SYT16: variants seen among roughly 807,000 people sequenced by gnomAD.
SYT16 encodes synaptotagmin 16.
Under a neutral mutation model 61.4 loss-of-function variants are expected in SYT16, and 42 were observed. That is an observed-to-expected ratio of 0.68 (90% CI 0.53 to 0.89). The LOEUF is 0.89. Ranked by LOEUF, SYT16 falls within the 40% of genes least tolerant of loss-of-function variation. SYT16 has a pLI of 0.00. For synonymous variants in SYT16, 314 were observed against 302.3 expected (o/e 1.04, Z -0.40); for missense variants, 804 against 807.3 (o/e 1.00, Z 0.05).
chr14:61,832,275 T>C, intron 1 of SYT16: 1 of 593,826 alleles, frequency 1.7e-6, no homozygotes, highest in South Asian at 1.4e-5. Context: ...GAGCGCATAG[T>C]CATCGCTCTT....
intron 1 of SYT16, among the ~76,000 whole-genome samples, chr14:61,854,957 C>T (rs2046730360): frequency 6.6e-6 from 1 of 151,990 alleles, no homozygotes; most frequent in South Asian, 2.1e-4. Flanking sequence ...TTGCTTGTCT[C>T]ATATTAGTGA....
chr14:61,814,753 G>C (rs1489143105), intron 1 of SYT16, among the ~76,000 whole-genome samples: 2 of 152,158 alleles, frequency 1.3e-5, no homozygotes, highest in Non-Finnish European at 1.5e-5. Context: ...ACATTATTTT[G>C]TCTTTTTTCT....
Position 61,917,513 on chromosome 14 carries a change from C to T in SYT16, c.-324-52619C>T, listed in dbSNP as rs542726804. On this transcript the variant is annotated intron_variant, in intron 1 of 7. Coordinates refer to ENST00000683842, the MANE Select transcript of SYT16 (RefSeq NM_001367656.1). ...TATGATCATAGAAGCCTAGTTACCC[C>T]TTAAGGGGAAACGTTCCCAACCAAA... Among the ~76,000 whole-genome samples, 4 of 152,268 alleles carry T rather than the reference C, an allele frequency of 2.6e-5. No homozygotes were observed. The South Asian group carries it at 8.3e-4, about 32-fold the overall frequency.
intron 3 of SYT16, among the ~76,000 whole-genome samples, chr14:62,032,179 G>A (rs1022667360): frequency 6.6e-6 from 1 of 152,030 alleles, no homozygotes; most frequent in African/African-American, 2.4e-5. Context: ...TACAAAAGAA[G>A]GGTAGAAGCT....
intron 1 of SYT16, among the ~76,000 whole-genome samples, chr14:61,894,960 C>T (rs886458753): frequency 1.2e-4 from 19 of 152,190 alleles, no homozygotes; most frequent in African/African-American, 4.3e-4. Flanking sequence ...TGGGCTCCAA[C>T]ACTGTCTCAA....
At chr14:61,887,421 C>G (rs751068888) in intron 1 of SYT16, among the ~76,000 whole-genome samples, 20 of 152,190 alleles carry the variant, frequency 1.3e-4, no homozygotes, top group Non-Finnish European at 2.6e-4. Flanking sequence ...TACATTAGGA[C>G]CAACCAAGAG....
rs1230401288 is a variant in SYT16, at chr14:62,103,954, AG to A, written c.*3248del. The A allele has an allele frequency of 2.0e-5, 3 of 152,348 alleles. No homozygotes were observed. Among genetic ancestry groups the A allele is most frequent in the East Asian group, 3.9e-4 (2 of 5,186 alleles). The allele number at this position is 152,348 out of a possible 1,614,324, so 9.4% of individuals were successfully genotyped here. On this transcript the variant is annotated 3_prime_UTR_variant, in exon 8 of 8. Coordinates refer to ENST00000683842, the MANE Select transcript of SYT16 (RefSeq NM_001367656.1). ...CTAGGTGCCAGTGAGCCTGAAACACAGCTTCTGCCTTTTCAATGTGTAGATT... is the reference window on the plus strand; with the variant it reads ...CTAGGTGCCAGTGAGCCTGAAACACACTTCTGCCTTTTCAATGTGTAGATT...
intron 3 of SYT16, among the ~76,000 whole-genome samples, chr14:62,017,549 A>G (rs1472752640): frequency 1.3e-5 from 2 of 152,078 alleles, no homozygotes; most frequent in African/African-American, 2.4e-5. Context: ...TCATTCTTCT[A>G]GTTTCTCAGT....
chr14:61,910,400 G>A (rs1480709249), intron 1 of SYT16, among the ~76,000 whole-genome samples: 3 of 151,716 alleles, frequency 2.0e-5, no homozygotes, highest in Non-Finnish European at 4.4e-5. Context: ...CACCATGCCC[G>A]GCTAATTTTT....
Position 62,081,083 on chromosome 14 carries a change from A to G in SYT16, c.1243A>G (p.Arg415Gly), listed in dbSNP as rs1448075795. The change falls in exon 6 of 8, where the codon AGG becomes GGG. Residue 415 changes from arginine (R) to glycine (G), a missense_variant. Arg to Gly is a moderately radical substitution (Grantham distance 125). Transcript: ENST00000683842. ...NIQRGPNPVF[R>G]EKVTFAKLEP... The stretch of plus-strand genomic sequence containing the variant: ...ACAGAGAGGGCCCAACCCCGTCTTC[A>G]GGGAGAAGGTCACCTTTGCCAAGCT... 1.2e-6 allele frequency: 2 copies of G among 1,613,768 alleles called. No individual in the cohort carries two copies. Among genetic ancestry groups the G allele is most frequent in the Admixed American group, 1.7e-5 (1 of 59,984 alleles).
intron 1 of SYT16, among the ~76,000 whole-genome samples, chr14:61,835,027 A>T (rs963595923): frequency 6.6e-6 from 1 of 152,166 alleles, no homozygotes; most frequent in African/African-American, 2.4e-5. Flanking sequence ...GACCTTTTAT[A>T]CCCACTTTGC....
intron 4 of SYT16, among the ~76,000 whole-genome samples, chr14:62,071,119 A>G (rs1239285650): frequency 6.6e-6 from 1 of 152,238 alleles, no homozygotes; most frequent in Non-Finnish European, 1.5e-5. Context: ...AAGGCCCTAT[A>G]TAACCAAACC....
intron 1 of SYT16, among the ~76,000 whole-genome samples, chr14:61,863,169 G>C (rs1167310319): frequency 2.6e-5 from 4 of 152,200 alleles, no homozygotes; most frequent in African/African-American, 9.7e-5. Flanking sequence ...TATGGTAAAA[G>C]TGTGTTTAGT....
chr14:61,897,002 C>T lies in SYT16; in HGVS notation c.-324-73130C>T, dbSNP rs117890173. On this transcript the variant is annotated intron_variant, in intron 1 of 7. Coordinates refer to ENST00000683842, the MANE Select transcript of SYT16 (RefSeq NM_001367656.1). ...ACTATGGCCTCTGGGCTTTGTTCCA[C>T]TGTCTGCTTTGTATGAGCAAAGAAT... 1.0e-3 allele frequency among the ~76,000 whole-genome samples: 152 copies of T among 152,298 alleles called. 4 individuals carry two copies. The East Asian group carries it at 0.028, about 28-fold the overall frequency.
chr14:61,901,036 C>T (rs2048495536), intron 1 of SYT16, among the ~76,000 whole-genome samples: 1 of 152,144 alleles, frequency 6.6e-6, no homozygotes, highest in African/African-American at 2.4e-5. Context: ...TTCTGTGATC[C>T]TGCCTTCCAA....
chr14:61,959,810 ATGG>A (rs2051040803), intron 1 of SYT16, among the ~76,000 whole-genome samples: 2 of 151,968 alleles, frequency 1.3e-5, no homozygotes, highest in South Asian at 4.2e-4. Context: ...GGCAGGTCTA[ATGG>A]TGGTGCACTA....
chr14:61,946,462 A>G (rs1314314089), intron 1 of SYT16, among the ~76,000 whole-genome samples: 2 of 152,110 alleles, frequency 1.3e-5, no homozygotes, highest in African/African-American at 2.4e-5. Flanking sequence ...ATTGGATACA[A>G]TTTTCACTAT....
At chr14:61,862,298 A>C (rs919437064) in intron 1 of SYT16, among the ~76,000 whole-genome samples, 1 of 152,144 alleles carries the variant, frequency 6.6e-6, no homozygotes, top group African/African-American at 2.4e-5. Flanking sequence ...GGACCCTGGA[A>C]ACCAGTGATC....
At chr14:62,030,572 T>C (rs562693847) in intron 3 of SYT16, among the ~76,000 whole-genome samples, 35 of 152,364 alleles carry the variant, frequency 2.3e-4, no homozygotes, top group African/African-American at 8.4e-4. Context: ...TCACTTTCTC[T>C]TTCACACAAT....
Sources: allele counts gnomAD v4.1 joint callset (sites outside exome capture counted in the v4.1 genomes callset), GRCh38; gene constraint gnomAD v4.1.1; transcripts MANE v1.5; gene names NCBI Gene and HGNC (gene_info 2026-07-23, HGNC 2026-07-21).